The following NOCT variants were observed in gnomAD, a reference collection of about 807,000 sequenced individuals.
The protein encoded by NOCT is nocturnin.
Under a neutral mutation model 35.0 loss-of-function variants are expected in NOCT, and 18 were observed. The observed-to-expected ratio is 0.51, with a 90% confidence interval of 0.36 to 0.76. The LOEUF (loss-of-function observed/expected upper bound fraction) is 0.76, where lower values mean the gene tolerates loss of function less well. Among genes scored for constraint, NOCT ranks in the 30% least tolerant of loss-of-function variants. The pLI, the probability that NOCT is intolerant of heterozygous loss-of-function variation, is 0.01. For synonymous variants in NOCT, 235 were observed against 226.3 expected, an observed-to-expected ratio of 1.04 and a Z score of -0.34; for missense variants, 479 against 541.0, an observed-to-expected ratio of 0.89 and a Z score of 1.14.
rs2148642487 is a variant in NOCT at position 139,022,063 on chromosome 4, A to G, written c.190+5892A>G. Among the ~76,000 whole-genome samples, 5 of 152,220 alleles carry G rather than the reference A, an allele frequency of 3.3e-5. 1 individual carries two copies. The Middle Eastern group carries it at 0.01, about 311-fold the overall frequency. ...TGTGAGCCACCACGCCCGGCCACTA[A>G]TTAGAGTTTATAGGGCTTTGATAGC... On this transcript the variant is annotated intron_variant, in intron 1 of 2. Coordinates refer to ENST00000280614, the MANE Select transcript of NOCT (RefSeq NM_012118.4).
At chr4:139,020,364 G>A (rs1277014089) in intron 1 of NOCT, among the ~76,000 whole-genome samples, 1 of 152,180 alleles carries the variant, frequency 6.6e-6, no homozygotes, top group East Asian at 1.9e-4. Flanking sequence ...AAAGAAATCA[G>A]TGTGGCTGAA....
At chr4:139,041,970 C>T (rs1726838568) in intron 1 of NOCT, among the ~76,000 whole-genome samples, 1 of 152,020 alleles carries the variant, frequency 6.6e-6, no homozygotes, top group South Asian at 2.1e-4. Flanking sequence ...GATGAGATGA[C>T]CAGCGTAGCA....
chr4:139,031,544 A>G (rs1726625168), intron 1 of NOCT, among the ~76,000 whole-genome samples: 1 of 151,888 alleles, frequency 6.6e-6, no homozygotes, highest in African/African-American at 2.4e-5. Flanking sequence ...CCAGCATTCT[A>G]ATTATTGATG....
chr4:139,030,443 A>G (rs1471820270), intron 1 of NOCT, among the ~76,000 whole-genome samples: 1 of 152,174 alleles, frequency 6.6e-6, no homozygotes, highest in Non-Finnish European at 1.5e-5. Flanking sequence ...CCTGGGGGAA[A>G]TGGTAAATAA....
chr4:139,017,618 TC>T (rs926954130), intron 1 of NOCT, among the ~76,000 whole-genome samples: 2 of 150,434 alleles, frequency 1.3e-5, no homozygotes, highest in African/African-American at 4.9e-5. Context: ...TCACCCGAGG[TC>T]AGGAGTTCGT....
intron 1 of NOCT, among the ~76,000 whole-genome samples, chr4:139,040,467 T>A (rs1316747995): frequency 1.3e-5 from 2 of 152,200 alleles, no homozygotes; most frequent in Admixed American, 1.3e-4. Flanking sequence ...TCATGTGAAA[T>A]TGATTTTTCT....
intron 1 of NOCT, among the ~76,000 whole-genome samples, chr4:139,037,710 G>A (rs1283810104): frequency 2.0e-5 from 3 of 152,262 alleles, no homozygotes; most frequent in African/African-American, 7.2e-5. Context: ...GACCACGTAA[G>A]CCCTCATTTT....
intron 1 of NOCT, among the ~76,000 whole-genome samples, chr4:139,040,042 CTTTT>C (rs35176403): frequency 2.5e-5 from 3 of 119,592 alleles, no homozygotes; most frequent in Admixed American, 8.7e-5. Context: ...GTATCATTTT[CTTTT>C]TTTTTTTTTT....
At chr4:139,027,701 T>C (rs906258441) in intron 1 of NOCT, among the ~76,000 whole-genome samples, 6 of 152,240 alleles carry the variant, frequency 3.9e-5, no homozygotes, top group Admixed American at 3.3e-4. Context: ...CATTTCACTG[T>C]GTTAGCCAGG....
At position 139,016,057 on chromosome 4, in the gene NOCT, C is replaced by A; in HGVS notation, c.76C>A (p.Pro26Thr). 1 of 1,395,336 alleles carries A rather than the reference C, an allele frequency of 7.2e-7. No homozygotes were observed. The highest frequency in any genetic ancestry group is 1.5e-5 in the South Asian group (1 of 64,944). The allele number at this position is 1,395,336 out of a possible 1,614,324, so 86.4% of individuals were successfully genotyped here. The change falls in exon 1 of 3, where the codon CCA becomes ACA. Residue 26 changes from proline to threonine, a missense_variant. Coordinates refer to ENST00000280614, the MANE Select transcript of NOCT (RefSeq NM_012118.4). ...DAPGLRRLPA[P>T]GLRRPLSPPA... The stretch of plus-strand genomic sequence containing the variant: ...GCCCGGCCTGCGCCGCCTGCCCGCC[C>A]CAGGGCTGCGCCGCCCGTTGTCCCC...
In NOCT at chr4:139,015,931, G is replaced by T; in HGVS notation, c.-51G>T. The T allele has an allele frequency of 7.8e-7, 1 of 1,285,348 alleles. No homozygotes were observed. Among genetic ancestry groups the T allele is most frequent in the South Asian group, 2.1e-5 (1 of 46,820 alleles). The allele number at this position is 1,285,348 out of a possible 1,614,324, so 79.6% of individuals were successfully genotyped here. A position where few individuals can be genotyped will look rare whatever the true frequency, so the allele number is the denominator to read the frequency against. The stretch of plus-strand genomic sequence containing the variant: ...CGACTCGGTGCCCTCGGCCCCAGCC[G>T]GGCTCCGCTCCTCGGGCGCGCGAGG... On this transcript the variant is annotated 5_prime_UTR_variant, in exon 1 of 3. Coordinates refer to ENST00000280614, the MANE Select transcript of NOCT (RefSeq NM_012118.4).
At chr4:139,022,467 C>G (rs530021595) in intron 1 of NOCT, among the ~76,000 whole-genome samples, 1 of 152,118 alleles carries the variant, frequency 6.6e-6, no homozygotes, top group African/African-American at 2.4e-5. Flanking sequence ...TAAAAAAATG[C>G]GTGGGTCCCA....
chr4:139,038,341 C>T (rs1293182980), intron 1 of NOCT, among the ~76,000 whole-genome samples: 1 of 152,172 alleles, frequency 6.6e-6, no homozygotes, highest in Non-Finnish European at 1.5e-5. Context: ...GTATATCCTG[C>T]ATCTCAAAAG....
rs1726280007 is a variant in NOCT at position 139,015,858 on chromosome 4, C to T, written c.-124C>T. 1.3e-6 allele frequency: 1 copy of T among 747,526 alleles called. No homozygotes were observed. Among genetic ancestry groups the T allele is most frequent in the Non-Finnish European group, 1.8e-6 (1 of 553,906 alleles). The allele number at this position is 747,526 out of a possible 1,614,324, so 46.3% of individuals were successfully genotyped here. A position where few individuals can be genotyped will look rare whatever the true frequency, so the allele number is the denominator to read the frequency against. On this transcript the variant is annotated 5_prime_UTR_variant, in exon 1 of 3. Transcript: ENST00000280614. ...GGATTTCCCCAGAACCTGCGCCGCG[C>T]GAGAAGGAGCCTGGGAGCATCCGCC...
At chr4:139,038,999 G>C (rs1049821365) in intron 1 of NOCT, among the ~76,000 whole-genome samples, 2 of 151,890 alleles carry the variant, frequency 1.3e-5, no homozygotes, top group Non-Finnish European at 2.9e-5. Context: ...TAATGTATTC[G>C]TGAGTGTGTG....
Position 139,031,411 on chromosome 4 carries a change from A to G in NOCT, c.191-11663A>G, listed in dbSNP as rs144567061. Among the ~76,000 whole-genome samples the G allele has an allele frequency of 3.5e-3, 530 of 152,116 alleles. 1 individual carries two copies. Among genetic ancestry groups the G allele is most frequent in the Non-Finnish European group, 5.6e-3 (378 of 67,994 alleles). On this transcript the variant is annotated intron_variant, in intron 1 of 2. Coordinates refer to ENST00000280614, the MANE Select transcript of NOCT (RefSeq NM_012118.4). ...TGATCCACCTGTCTTGGCCTCCCAA[A>G]GTGCTGGGTTTACAGGTGTGAGCCA...
chr4:139,017,524 C>G (rs899450643), intron 1 of NOCT, among the ~76,000 whole-genome samples: 2 of 150,294 alleles, frequency 1.3e-5, no homozygotes, highest in Non-Finnish European at 3.0e-5. Context: ...CACCGCCCCC[C>G]CGGCCTATAA....
chr4:139,023,143 G>C (rs1236696974), intron 1 of NOCT, among the ~76,000 whole-genome samples: 1 of 150,902 alleles, frequency 6.6e-6, no homozygotes, highest in Non-Finnish European at 1.5e-5. Flanking sequence ...GTGACAATAA[G>C]AATTGTTCCG....
At position 139,044,686 on chromosome 4, in the gene NOCT, C is replaced by T; in HGVS notation, c.508C>T (p.Leu170Phe). The change falls in exon 3 of 3, where the codon CTC (leucine) becomes TTC (phenylalanine). Residue 170 changes from leucine to phenylalanine, a missense_variant. By Grantham distance (22) the Leu-to-Phe change is conservative. Around this residue, in one of 2 missense-constraint regions of NOCT, gnomAD observed 265 missense variants for 257.0 expected, o/e 1.03. Coordinates refer to ENST00000280614, the MANE Select transcript of NOCT (RefSeq NM_012118.4). Reference protein sequence around the residue: ...DNFVQCPVEALKWEERKCLIL... With the variant: ...DNFVQCPVEAFKWEERKCLIL... ...CTTTGTACAGTGCCCTGTTGAAGCACTCAAATGGGAAGAAAGGAAATGTCT... is the reference window on the plus strand; with the variant it reads ...CTTTGTACAGTGCCCTGTTGAAGCATTCAAATGGGAAGAAAGGAAATGTCT... 1 of 1,614,092 alleles carries T rather than the reference C, an allele frequency of 6.2e-7. No individual in the cohort carries two copies. Among genetic ancestry groups the T allele is most frequent in the Non-Finnish European group, 8.5e-7 (1 of 1,179,986 alleles).
Sources: gnomAD v4.1 joint callset for allele counts (sites outside exome capture counted in the v4.1 genomes callset) on GRCh38, gnomAD v4.1.1 for gene constraint, gnomAD v4.1.1 regional missense constraint, MANE v1.5 for transcripts, NCBI Gene and HGNC (gene_info 2026-07-23, HGNC 2026-07-21) for gene names.